DNER: variants seen among roughly 807,000 people sequenced by gnomAD.
The protein encoded by DNER is delta and Notch-like epidermal growth factor-related receptor.
Under a neutral mutation model 78.2 loss-of-function variants are expected in DNER, and 33 were observed. The observed-to-expected ratio is 0.42, with a 90% CI of 0.32 to 0.56. The LOEUF (loss-of-function observed/expected upper bound fraction) is 0.56. DNER is among the 20% of genes least tolerant of loss of function. The pLI, the probability that DNER is intolerant of heterozygous loss-of-function variation, is 0.11. For missense variants in DNER, 918 were observed against 975.3 expected, an observed-to-expected ratio of 0.94 and a Z score of 0.78; for synonymous variants, 417 against 384.8, an observed-to-expected ratio of 1.08 and a Z score of -0.98.
At chr2:229,646,069 C>A (rs1246874687) in intron 1 of DNER, among the ~76,000 whole-genome samples, 1 of 152,196 alleles carries the variant, frequency 6.6e-6, no homozygotes, top group African/African-American at 2.4e-5. Context: ...TTTTCTGTTG[C>A]TGCCTGAATC....
chr2:229,606,040 T>C (rs907742227), intron 1 of DNER, among the ~76,000 whole-genome samples: 1 of 152,144 alleles, frequency 6.6e-6, no homozygotes, highest in African/African-American at 2.4e-5. Flanking sequence ...AAAAATTAGA[T>C]AAAATTAAAA....
intron 7 of DNER, among the ~76,000 whole-genome samples, chr2:229,471,683 A>G (rs937125707): frequency 6.6e-6 from 1 of 152,234 alleles, no homozygotes; most frequent in South Asian, 2.1e-4. Context: ...ACTAATTAAT[A>G]ACAATCATCA....
intron 7 of DNER, 37 bp downstream of exon 7, chr2:229,477,102 TG>T (rs1465522750): frequency 6.5e-7 from 1 of 1,530,692 alleles, no homozygotes; most frequent in South Asian, 1.1e-5. Flanking sequence ...TGATTTAAAA[TG>T]AAAAAAGTTC....
At position 229,648,487 on chromosome 2, in the gene DNER, C is replaced by T. The variant is rs74001405; in HGVS notation, c.277-56599G>A. ...TTTCTCTTTGCAGAGCTTTTGGGTG[C>T]TTGAAATAACTGTTCGCTTTTTGTA... On this transcript the variant is annotated intron_variant, in intron 1 of 12. Coordinates refer to ENST00000341772, the MANE Select transcript of DNER (RefSeq NM_139072.4). 1.9e-3 allele frequency among the ~76,000 whole-genome samples: 295 copies of T among 152,276 alleles called. 2 individuals are homozygous for T. Among genetic ancestry groups the T allele is most frequent in the African/African-American group, 6.8e-3 (281 of 41,566 alleles).
chr2:229,364,430 A>G (rs1692293650), intron 12 of DNER, among the ~76,000 whole-genome samples: 1 of 152,148 alleles, frequency 6.6e-6, no homozygotes, highest in African/African-American at 2.4e-5. Context: ...TGGCATAAAG[A>G]GTCAAATAAA....
chr2:229,634,730 GCTGCCGGC>G (rs1698498833), intron 1 of DNER, among the ~76,000 whole-genome samples: 3 of 152,248 alleles, frequency 2.0e-5, no homozygotes, highest in African/African-American at 7.2e-5. Context: ...GCTTTACAAG[GCTGCCGGC>G]CCAAAGGAGT....
intron 5 of DNER, among the ~76,000 whole-genome samples, chr2:229,546,675 G>A: frequency 6.6e-6 from 1 of 152,158 alleles, no homozygotes; most frequent in East Asian, 1.9e-4. Context: ...GCCAGAGGTT[G>A]CGGTAAGCCG....
intron 1 of DNER, among the ~76,000 whole-genome samples, chr2:229,624,496 T>TAAAAA (rs5839343): frequency 6.6e-6 from 1 of 151,074 alleles, no homozygotes; most frequent in Admixed American, 6.6e-5. Flanking sequence ...TATAATAAAC[T>TAAAAA]AAAAAAAAAA....
intron 7 of DNER, among the ~76,000 whole-genome samples, chr2:229,449,609 C>A (rs1490197080): frequency 1.3e-5 from 2 of 152,014 alleles, no homozygotes; most frequent in Non-Finnish European, 2.9e-5. Context: ...CAGTGGGGAG[C>A]AGTGCAGGTT....
chr2:229,617,651 G>A (rs1012317346), intron 1 of DNER, among the ~76,000 whole-genome samples: 1 of 152,186 alleles, frequency 6.6e-6, no homozygotes, highest in Non-Finnish European at 1.5e-5. Flanking sequence ...AGCATGAAAA[G>A]AGTCCCAGGT....
intron 1 of DNER, among the ~76,000 whole-genome samples, chr2:229,615,632 A>G (rs1698142950): frequency 6.6e-6 from 1 of 152,166 alleles, no homozygotes; most frequent in Admixed American, 6.5e-5. Context: ...GAATGGTGTG[A>G]ACCCAGGAGG....
intron 6 of DNER, among the ~76,000 whole-genome samples, chr2:229,480,066 G>GA (rs1203244848): frequency 1.3e-5 from 2 of 152,118 alleles, no homozygotes; most frequent in Non-Finnish European, 2.9e-5. Context: ...CCACCAGACA[G>GA]AAAAAATAGA....
chr2:229,471,533 T>G (rs1419621711), intron 7 of DNER, among the ~76,000 whole-genome samples: 1 of 152,124 alleles, frequency 6.6e-6, no homozygotes, highest in Non-Finnish European at 1.5e-5. Context: ...ACTCAGCAAG[T>G]AGCTTTTAAA....
At chr2:229,627,247 C>T (rs898388808) in intron 1 of DNER, among the ~76,000 whole-genome samples, 8 of 152,312 alleles carry the variant, frequency 5.3e-5, no homozygotes, top group African/African-American at 1.7e-4. Flanking sequence ...TAAGCACCTA[C>T]AGATGCAGAC....
At chr2:229,544,882 T>C (rs115999853) in intron 5 of DNER, among the ~76,000 whole-genome samples, 4,511 of 152,228 alleles carry the variant, frequency 0.03, 199 homozygotes, top group African/African-American at 0.095. Flanking sequence ...AACAGGAAAG[T>C]CACAGGTTTT....
Position 229,386,279 on chromosome 2 carries a change from G to A in DNER, c.1855+1986C>T, listed in dbSNP as rs937399108. Among the ~76,000 whole-genome samples the A allele has an allele frequency of 3.3e-5, 5 of 151,962 alleles. No individual in the cohort carries two copies. The East Asian group carries it at 7.7e-4, about 23-fold the overall frequency. On this transcript the variant is annotated intron_variant, in intron 11 of 12. Transcript: ENST00000341772. ...AACTGGCTAGCCATATGCAGAAAAC[G>A]GAAACTGGACCCCTTCCTTACACCT...
Position 229,708,998 on chromosome 2 carries a change from T to C in DNER, c.276+5150A>G, listed in dbSNP as rs1484108268. The stretch of plus-strand genomic sequence containing the variant: ...TTTATTTCAGAATAAAAAGTACACA[T>C]TTATAAAAAGTTTAATACAATTAAA... On this transcript the variant is annotated intron_variant, in intron 1 of 12. Coordinates refer to ENST00000341772, the MANE Select transcript of DNER (RefSeq NM_139072.4). Among the ~76,000 whole-genome samples, 5 of 152,220 alleles carry C rather than the reference T, an allele frequency of 3.3e-5. No individual in the cohort carries two copies. The East Asian group carries it at 5.8e-4, about 18-fold the overall frequency.
chr2:229,398,956 T>C (rs185579721), intron 10 of DNER, among the ~76,000 whole-genome samples: 1 of 152,070 alleles, frequency 6.6e-6, no homozygotes, highest in Admixed American at 6.5e-5. Flanking sequence ...AAAAAAACAC[T>C]ACAGCTGACA....
intron 11 of DNER, among the ~76,000 whole-genome samples, chr2:229,380,453 G>T (rs759735629): frequency 1.3e-5 from 2 of 152,176 alleles, no homozygotes; most frequent in African/African-American, 2.4e-5. Context: ...GACAGAGCGC[G>T]GAAGGGAGTT....
Sources: allele counts gnomAD v4.1 joint callset (sites outside exome capture counted in the v4.1 genomes callset), GRCh38; gene constraint gnomAD v4.1.1; transcripts MANE v1.5; gene names NCBI Gene and HGNC (gene_info 2026-07-23, HGNC 2026-07-21).